The following SCAMP5 variants were observed in gnomAD, a reference collection of about 807,000 sequenced individuals.
The protein encoded by SCAMP5 is secretory carrier-associated membrane protein 5.
In SCAMP5, 7 loss-of-function variants were observed where a neutral mutation model predicts 28.3. The observed-to-expected ratio is 0.25, with a 90% confidence interval of 0.14 to 0.46. The LOEUF (loss-of-function observed/expected upper bound fraction) is 0.46. Ranked by LOEUF, SCAMP5 falls within the 20% of genes least tolerant of loss-of-function variation. The pLI, the probability that SCAMP5 is intolerant of heterozygous loss-of-function variation, is 0.99. For missense variants in SCAMP5, 192 were observed against 312.5 expected (o/e 0.61, Z 2.91); for synonymous variants, 117 against 116.4 (o/e 1.00, Z -0.03).
chr15:75,002,823 A>G (rs930965651), intron 1 of SCAMP5, among the ~76,000 whole-genome samples: 1 of 151,786 alleles, frequency 6.6e-6, no homozygotes, highest in Non-Finnish European at 1.5e-5. Context: ...GTTCACAAAG[A>G]TGTTCCAAAT....
intron 4 of SCAMP5, among the ~76,000 whole-genome samples, chr15:75,017,349 G>A (rs1011081712): frequency 1.2e-4 from 18 of 152,164 alleles, no homozygotes; most frequent in African/African-American, 3.9e-4. Flanking sequence ...ATCTGTCTTG[G>A]TGCCAGTAGA....
In SCAMP5 at chr15:75,009,191, C is replaced by G. The variant is rs80015407; in HGVS notation, c.-48-2601C>G. Among the ~76,000 whole-genome samples, 747 of 152,188 alleles carry G rather than the reference C, an allele frequency of 4.9e-3. 6 individuals are homozygous for G. The highest frequency in any genetic ancestry group is 0.017 in the African/African-American group (695 of 41,512). Reference sequence around the variant, plus strand: ...GCGGAACAGTCCATTGTATGACTACCATTGGTTTAATCAGTCCCCTATTGA... The same window carrying G: ...GCGGAACAGTCCATTGTATGACTACGATTGGTTTAATCAGTCCCCTATTGA... On this transcript the variant is annotated intron_variant, in intron 1 of 6. Transcript: ENST00000425597.
At position 75,018,583 on chromosome 15, in the gene SCAMP5, T is replaced by C. The variant is rs1450246971; in HGVS notation, c.513+48T>C. 1.5e-6 allele frequency: 2 copies of C among 1,344,388 alleles called. No homozygotes were observed. Among genetic ancestry groups the C allele is most frequent in the South Asian group, 2.3e-5 (2 of 85,848 alleles). The allele number at this position is 1,344,388 out of a possible 1,614,324, so 83.3% of individuals were successfully genotyped here. A position where few individuals can be genotyped will look rare whatever the true frequency, so the allele number is the denominator to read the frequency against. ...AGAAGGTGGCTTTGGGAAGGGGCCA[T>C]GTTCTGAAACAAGCCCTCCTCCAAG... On this transcript the variant is annotated intron_variant, in intron 6 of 6. Transcript: ENST00000425597. This position sits in a 1 kb window ranked among gnomAD's most constrained non-coding sequence, Gnocchi z 5.6.
At chr15:75,006,425 G>A (rs1309270414) in intron 1 of SCAMP5, among the ~76,000 whole-genome samples, 3 of 151,974 alleles carry the variant, frequency 2.0e-5, no homozygotes, top group African/African-American at 7.2e-5. Context: ...GGCTGAGGTG[G>A]GTGGATGGCT....
intron 1 of SCAMP5, chr15:75,010,065 T>C (rs2065797246): frequency 6.6e-6 from 1 of 152,226 alleles, no homozygotes. Flanking sequence ...CATTTTCTGC[T>C]GTTGACTATA....
intron 1 of SCAMP5, among the ~76,000 whole-genome samples, chr15:75,003,524 ATGGGCTGGG>A (rs1184590819): frequency 4.6e-5 from 7 of 152,164 alleles, no homozygotes; most frequent in African/African-American, 1.7e-4. Flanking sequence ...GAATAGGGCA[ATGGGCTGGG>A]CACAGTGACC....
chr15:75,019,244 G>T lies in SCAMP5; in HGVS notation c.*261G>T, dbSNP rs1224472129. 1 of 266,210 alleles carries T rather than the reference G, an allele frequency of 3.8e-6. No individual in the cohort carries two copies. Among genetic ancestry groups the T allele is most frequent in the Non-Finnish European group, 6.9e-6 (1 of 144,854 alleles). 16.5% of individuals were successfully genotyped at this position (266,210 alleles called of 1,614,324 possible). ...GTAGTAGCTGTGTCTGTGTCCCCTC[G>T]TGAAATAGTGTGCAGTGGAGGTCTC... On this transcript the variant is annotated 3_prime_UTR_variant, in exon 7 of 7. Coordinates refer to ENST00000425597, the MANE Select transcript of SCAMP5 (RefSeq NM_138967.4).
rs376560749 is a variant in SCAMP5, at chr15:75,016,761, G to C, written c.293+12G>C. 4 of 1,610,666 alleles carry C rather than the reference G, an allele frequency of 2.5e-6. No individual in the cohort carries two copies. In the African/African-American group the frequency reaches 5.4e-5, roughly 22 times the overall value. ...TACAAGGCCTTCAAGTAAGTGGTTG[G>C]TGCTATCCGCAGTGCCTAGCCGTCT... On this transcript the variant is annotated intron_variant, in intron 4 of 6. Coordinates refer to ENST00000425597, the MANE Select transcript of SCAMP5 (RefSeq NM_138967.4).
intron 3 of SCAMP5, among the ~76,000 whole-genome samples, chr15:75,015,948 A>C (rs190134080): frequency 4.8e-5 from 7 of 147,220 alleles, no homozygotes; most frequent in African/African-American, 1.5e-4. Context: ...AAAAAAAAAG[A>C]AATAGATTAG....
At position 75,018,802 on chromosome 15, in the gene SCAMP5, A is replaced by G; in HGVS notation, c.527A>G (p.Tyr176Cys). 6.2e-7 allele frequency: 1 copy of G among 1,605,296 alleles called. No individual in the cohort carries two copies. Among genetic ancestry groups the G allele is most frequent in the Non-Finnish European group, 8.5e-7 (1 of 1,177,092 alleles). Reference protein sequence around the residue: ...FIALSMVHKFYRGSGGSFSKA... With the variant: ...FIALSMVHKFCRGSGGSFSKA... Reference sequence around the variant, plus strand: ...TTTTTCCTACAGGTTCATAAATTTTACCGGGGAAGTGGGGGGAGTTTCAGC... The same window carrying G: ...TTTTTCCTACAGGTTCATAAATTTTGCCGGGGAAGTGGGGGGAGTTTCAGC... Residue 176 changes from tyrosine to cysteine, a missense_variant, in exon 7 of 7, where the codon TAC becomes TGC. Tyr to Cys is a radical substitution (Grantham distance 194). Transcript: ENST00000425597. The surrounding 1 kb of genome is among the most constrained non-coding windows in gnomAD (Gnocchi z 5.6).
At chr15:75,002,574 G>A (rs60407706) in intron 1 of SCAMP5, among the ~76,000 whole-genome samples, 3,458 of 151,840 alleles carry the variant, frequency 0.023, 117 homozygotes, top group African/African-American at 0.079. Flanking sequence ...TGTCATGAAC[G>A]CGTTAGTCCC....
At chr15:75,005,811 G>A (rs770410652) in intron 1 of SCAMP5, among the ~76,000 whole-genome samples, 5 of 151,772 alleles carry the variant, frequency 3.3e-5, no homozygotes, top group Admixed American at 1.3e-4. Flanking sequence ...TGCAACCTCC[G>A]CCTCCCGGGT....
In SCAMP5 at chr15:75,004,918, T is replaced by C. The variant is rs545163994; in HGVS notation, c.-48-6874T>C. On this transcript the variant is annotated intron_variant, in intron 1 of 6. Transcript: ENST00000425597. ...CTGGTTGGGCGCGGTGGCTCACGCC[T>C]GTAATCCCAGTACTTTGGAAGGCGG... Among the ~76,000 whole-genome samples the C allele has an allele frequency of 1.2e-4, 18 of 152,330 alleles. No individual in the cohort carries two copies. In the South Asian group the frequency reaches 2.7e-3, roughly 23 times the overall value.
chr15:74,995,895 GC>G (rs1043739533), intron 1 of SCAMP5: 43 of 153,252 alleles, frequency 2.8e-4, no homozygotes, highest in Non-Finnish European at 3.0e-4. Flanking sequence ...AGCCCCCCAA[GC>G]CCCCCCATTC....
In SCAMP5 at chr15:75,012,334, C is replaced by T. The variant is rs150980534; in HGVS notation, c.8-343C>T. Among the ~76,000 whole-genome samples the T allele has an allele frequency of 1.4e-3, 210 of 152,346 alleles. 1 individual carries two copies. The highest frequency in any genetic ancestry group is 4.8e-3 in the African/African-American group (199 of 41,558). On this transcript the variant is annotated intron_variant, in intron 2 of 6. Transcript: ENST00000425597. Reference sequence around the variant, plus strand: ...AATGCTGAGTGGAGGCTGGAACCCACGTCTGTAGATTCTCACACATCCGCT... The same window carrying T: ...AATGCTGAGTGGAGGCTGGAACCCATGTCTGTAGATTCTCACACATCCGCT...
rs372250037 is a variant in SCAMP5 at position 75,018,012 on chromosome 15, G to A, written c.395+41G>A. 4.6e-5 allele frequency: 58 copies of A among 1,263,460 alleles called. No individual in the cohort carries two copies. Among genetic ancestry groups the A allele is most frequent in the Admixed American group, 8.5e-5 (5 of 58,834 alleles). 78.3% of individuals were successfully genotyped at this position (1,263,460 alleles called of 1,614,324 possible). A position where few individuals can be genotyped will look rare whatever the true frequency, so the allele number is the denominator to read the frequency against. ...GTGGCCTGGGGCTGGCAGGGGTGGCGTTGTGGGTGTATCTTTTGCTTACCT... is the reference window on the plus strand; with the variant it reads ...GTGGCCTGGGGCTGGCAGGGGTGGCATTGTGGGTGTATCTTTTGCTTACCT... On this transcript the variant is annotated intron_variant, in intron 5 of 6. Coordinates refer to ENST00000425597, the MANE Select transcript of SCAMP5 (RefSeq NM_138967.4). This position sits in a 1 kb window ranked among gnomAD's most constrained non-coding sequence, Gnocchi z 5.6.
rs1246841939 is a variant in SCAMP5, at chr15:75,016,602, T to C, written c.146T>C (p.Val49Ala). The change falls in exon 4 of 7, where the codon GTC becomes GCC. Residue 49 changes from valine to alanine, a missense_variant. By Grantham distance (64) the Val-to-Ala change is moderately conservative. Transcript: ENST00000425597. ...RLYYLWMLNS[V>A]TLAVNLVGCL... ...GCTCCTGGGCCTGCAGTGAACAGCG[T>C]CACGCTGGCCGTGAACCTGGTGGGC... 1.2e-6 allele frequency: 2 copies of C among 1,612,982 alleles called. No individual in the cohort carries two copies. The highest frequency in any genetic ancestry group is 1.7e-4 in the Middle Eastern group (1 of 5,934).
chr15:75,007,360 A>G (rs2065769995), intron 1 of SCAMP5, among the ~76,000 whole-genome samples: 1 of 152,134 alleles, frequency 6.6e-6, no homozygotes, highest in Non-Finnish European at 1.5e-5. Flanking sequence ...GTAAGAGTAA[A>G]CTTGCTAAAA....
chr15:75,021,312 G>A lies in SCAMP5; in HGVS notation c.*2329G>A. Reference sequence around the variant, plus strand: ...TGTAGGAAGGTCTGGCCTGGGGTCGGGTGAAGGAGGGCCCAGGTCAGTTCT... The same window carrying A: ...TGTAGGAAGGTCTGGCCTGGGGTCGAGTGAAGGAGGGCCCAGGTCAGTTCT... On this transcript the variant is annotated 3_prime_UTR_variant, in exon 7 of 7. Transcript: ENST00000425597. The A allele has an allele frequency of 6.6e-6, 1 of 152,258 alleles. No individual in the cohort carries two copies. The highest frequency in any genetic ancestry group is 1.9e-4 in the East Asian group (1 of 5,200). The allele number at this position is 152,258 out of a possible 1,614,324, so 9.4% of individuals were successfully genotyped here.
Sources: allele counts gnomAD v4.1 joint callset (sites outside exome capture counted in the v4.1 genomes callset), GRCh38; gene constraint gnomAD v4.1.1; non-coding constraint Gnocchi (gnomAD v3.1); transcripts MANE v1.5; gene names NCBI Gene and HGNC (gene_info 2026-07-23, HGNC 2026-07-21).